The following CDH12 variants were observed in gnomAD, a reference collection of about 807,000 sequenced individuals.
CDH12 encodes the protein cadherin-12.
Under a neutral mutation model 74.1 loss-of-function variants are expected in CDH12, and 41 were observed. The ratio of observed to expected loss-of-function variants is 0.55; its 90% CI spans 0.43 to 0.72. CDH12 has a LOEUF of 0.72. Ranked by LOEUF, CDH12 falls within the 30% of genes least tolerant of loss-of-function variation. The probability of loss-of-function intolerance (pLI) is 0.00; values close to 1 mark genes in which losing one functional copy is unlikely to be tolerated. For synonymous variants in CDH12, 399 were observed against 355.0 expected (o/e 1.12, Z -1.39); for missense variants, 945 against 977.2 (o/e 0.97, Z 0.44).
chr5:21,805,291 A>T (rs1410053582), intron 9 of CDH12, among the ~76,000 whole-genome samples: 1 of 152,028 alleles, frequency 6.6e-6, no homozygotes, highest in Non-Finnish European at 1.5e-5. Context: ...TTGATTACAC[A>T]CTACTGTTAT....
intron 5 of CDH12, among the ~76,000 whole-genome samples, chr5:22,026,175 C>A (rs980650994): frequency 6.6e-6 from 1 of 152,056 alleles, no homozygotes; most frequent in African/African-American, 2.4e-5. Flanking sequence ...AGAGGCATGG[C>A]GCCAGGCACT....
intron 5 of CDH12, among the ~76,000 whole-genome samples, chr5:22,065,984 A>G (rs1741528564): frequency 6.6e-6 from 1 of 152,132 alleles, no homozygotes; most frequent in South Asian, 2.1e-4. Flanking sequence ...GTTCTAGGTC[A>G]GGTACACAAA....
intron 6 of CDH12, among the ~76,000 whole-genome samples, chr5:21,914,833 C>T (rs1012118617): frequency 6.6e-6 from 1 of 152,162 alleles, no homozygotes; most frequent in Non-Finnish European, 1.5e-5. Context: ...GGTAACTTAG[C>T]AAAGTTCTGA....
At chr5:22,023,547 T>C (rs73061110) in intron 5 of CDH12, among the ~76,000 whole-genome samples, 2,888 of 150,814 alleles carry the variant, frequency 0.019, 97 homozygotes, top group African/African-American at 0.067. Context: ...TCTGTATTTG[T>C]ATATATATAT....
chr5:22,154,590 C>A (rs1747901315), intron 4 of CDH12, among the ~76,000 whole-genome samples: 1 of 147,146 alleles, frequency 6.8e-6, no homozygotes, highest in South Asian at 2.1e-4. Flanking sequence ...TATATGTGTA[C>A]ACATATATAT....
rs766652099 is a variant in CDH12 at position 21,751,961 on chromosome 5, G to T, written c.2161C>A (p.Leu721Ile). The change falls in exon 15 of 15, where the codon CTA becomes ATA. Residue 721 changes from leucine to isoleucine, a missense_variant. Around this residue, in one of 3 missense-constraint regions of CDH12, gnomAD observed 791 missense variants for 792.8 expected, o/e 1.00. Coordinates refer to ENST00000382254, the MANE Select transcript of CDH12 (RefSeq NM_004061.5). ...TDIRDFIHQR[L>I]QENDVDPTAP... is the part of the protein sequence containing the mutation. ...GTTGGATCCACATCATTTTCCTGTA[G>T]CCTTTGATGAATGAAATCCCTTATG... 1.9e-6 allele frequency: 3 copies of T among 1,613,880 alleles called. No individual in the cohort carries two copies. The African/African-American group carries it at 4.0e-5, about 22-fold the overall frequency.
intron 3 of CDH12, among the ~76,000 whole-genome samples, chr5:22,341,436 T>C (rs762927550): frequency 6.6e-6 from 1 of 152,196 alleles, no homozygotes; most frequent in East Asian, 1.9e-4. Flanking sequence ...ATATAAGGAA[T>C]GCCATTTGGA....
intron 4 of CDH12, among the ~76,000 whole-genome samples, chr5:22,107,302 T>A (rs910457185): frequency 1.3e-5 from 2 of 151,712 alleles, no homozygotes; most frequent in East Asian, 3.9e-4. Context: ...TGGCTAATTT[T>A]TTTATTTTTA....
intron 5 of CDH12, among the ~76,000 whole-genome samples, chr5:22,038,623 T>C (rs1232625385): frequency 2.0e-5 from 3 of 152,302 alleles, no homozygotes; most frequent in South Asian, 4.1e-4. Flanking sequence ...CTCCATATAC[T>C]TCTCTCAGCC....
At chr5:21,950,647 A>T (rs972524441) in intron 6 of CDH12, among the ~76,000 whole-genome samples, 3 of 151,602 alleles carry the variant, frequency 2.0e-5, no homozygotes, top group African/African-American at 7.2e-5. Flanking sequence ...TCTATATAAA[A>T]CTAACTTCAA....
In CDH12 at chr5:22,229,237, C is replaced by T. The variant is rs1752301553; in HGVS notation, c.-332-16594G>A. 4.0e-5 allele frequency among the ~76,000 whole-genome samples: 6 copies of T among 151,290 alleles called. No individual in the cohort carries two copies. The South Asian group carries it at 1.2e-3, about 31-fold the overall frequency. ...TACCAAAATCATTTATATTATGATGCCTTTCATTATCATTCTTTTGGAGTA... is the reference window on the plus strand; with the variant it reads ...TACCAAAATCATTTATATTATGATGTCTTTCATTATCATTCTTTTGGAGTA... On this transcript the variant is annotated intron_variant, in intron 3 of 14. Coordinates refer to ENST00000382254, the MANE Select transcript of CDH12 (RefSeq NM_004061.5).
chr5:22,115,223 C>T (rs551907528), intron 4 of CDH12, among the ~76,000 whole-genome samples: 3 of 152,142 alleles, frequency 2.0e-5, no homozygotes, highest in Admixed American at 6.5e-5. Context: ...GACTGTGGAG[C>T]GCTATGCATT....
intron 3 of CDH12, among the ~76,000 whole-genome samples, chr5:22,379,844 G>T (rs770566160): frequency 6.6e-6 from 1 of 152,168 alleles, no homozygotes; most frequent in Non-Finnish European, 1.5e-5. Flanking sequence ...GCCTCAAACT[G>T]CTGGGCTCAC....
chr5:21,896,800 G>A lies in CDH12; in HGVS notation c.527-42010C>T, dbSNP rs1207079803. On this transcript the variant is annotated intron_variant, in intron 6 of 14. Transcript: ENST00000382254. ...CAGAAAAATGAGACTATAGATTGAC[G>A]AAGTATTAAATCTGTGGTAGCTTAT... Among the ~76,000 whole-genome samples the A allele has an allele frequency of 3.3e-5, 5 of 152,250 alleles. No homozygotes were observed. The East Asian group carries it at 5.8e-4, about 18-fold the overall frequency.
intron 1 of CDH12, among the ~76,000 whole-genome samples, chr5:22,772,987 G>A (rs950332417): frequency 1.2e-4 from 18 of 152,010 alleles, no homozygotes; most frequent in African/African-American, 4.1e-4. Context: ...ACGAAACACT[G>A]TTGAAAGTAA....
intron 4 of CDH12, chr5:22,143,043 T>A (rs1746905071): frequency 1.1e-5 from 2 of 179,812 alleles, no homozygotes; most frequent in Admixed American, 1.1e-4. Flanking sequence ...AAAGTAGCGT[T>A]AAGATAGATC....
intron 4 of CDH12, among the ~76,000 whole-genome samples, chr5:22,200,711 G>T (rs1430325350): frequency 6.6e-6 from 1 of 151,710 alleles, no homozygotes; most frequent in African/African-American, 2.4e-5. Flanking sequence ...AGAATGTCAT[G>T]AATTTAATTG....
chr5:22,844,268 C>T (rs1737205858), intron 1 of CDH12, among the ~76,000 whole-genome samples: 1 of 152,032 alleles, frequency 6.6e-6, no homozygotes, highest in South Asian at 2.1e-4. Context: ...TCTACAGGAA[C>T]AAGGGCAGGG....
chr5:22,109,557 C>T (rs1322383850), intron 4 of CDH12, among the ~76,000 whole-genome samples: 1 of 152,156 alleles, frequency 6.6e-6, no homozygotes, highest in Non-Finnish European at 1.5e-5. Flanking sequence ...CTACCAGCAT[C>T]CATGAACCCA....
Sources: allele counts gnomAD v4.1 joint callset (sites outside exome capture counted in the v4.1 genomes callset), GRCh38; gene constraint gnomAD v4.1.1; regional missense constraint gnomAD v4.1.1; transcripts MANE v1.5; gene names NCBI Gene and HGNC (gene_info 2026-07-23, HGNC 2026-07-21).